PAPLN: variants seen among roughly 807,000 people sequenced by gnomAD.
PAPLN encodes the protein papilin, proteoglycan like sulfated glycoprotein, also known as papilin.
A neutral mutation model predicts 159.0 loss-of-function variants in PAPLN; 146 were observed. That is an observed-to-expected ratio of 0.92 (90% CI 0.80 to 1.05). The LOEUF is 1.05. PAPLN is among the 50% of genes least tolerant of loss of function. The pLI, the probability that PAPLN is intolerant of heterozygous loss-of-function variation, is 0.00. For missense variants in PAPLN, 1,720 were observed against 1,743.9 expected, an observed-to-expected ratio of 0.99 and a Z score of 0.24; for synonymous variants, 734 against 702.9, an observed-to-expected ratio of 1.04 and a Z score of -0.70.
At position 73,263,663 on chromosome 14, in the gene PAPLN, G is replaced by A; in HGVS notation, c.2742G>A (p.Val914=). 3 of 1,613,726 alleles carry A rather than the reference G, an allele frequency of 1.9e-6. No homozygotes were observed. The highest frequency in any genetic ancestry group is 1.3e-5 in the African/African-American group (1 of 75,048). The change falls in exon 20 of 27, where the codon GTG becomes GTA. Residue 914 remains valine (V), a synonymous_variant. Transcript: ENST00000644200. ...TCTCCAGGATTAGCTTGGCAGGTGT[G>A]GAGCCCTCGTTGGTGCAGGCAGCCC... ...SSSYRISLAG[V]EPSLVQAALG... is the part of the protein sequence containing the mutation.
intron 11 of PAPLN, chr14:73,253,024 G>A: frequency 1.8e-6 from 2 of 1,083,672 alleles, no homozygotes; most frequent in Non-Finnish European, 2.6e-6. Flanking sequence ...TTGGTGGCAG[G>A]AGGGTTGGAG....
intron 16 of PAPLN, 100 bp downstream of exon 16, chr14:73,259,645 G>C: frequency 1.5e-6 from 2 of 1,363,302 alleles, no homozygotes; most frequent in Non-Finnish European, 1.9e-6. Flanking sequence ...GCTGGGGTGG[G>C]TGTGCAGAGC....
At chr14:73,271,762 A>G (rs1240639872) in intron 26 of PAPLN, among the ~76,000 whole-genome samples, 2 of 152,220 alleles carry the variant, frequency 1.3e-5, no homozygotes, top group East Asian at 3.8e-4. Context: ...GGCCTCCCAA[A>G]GTGCTGGGAT....
At chr14:73,239,612 C>G in intron 1 of PAPLN, 161 bp from the exon 2 acceptor site, 3 of 1,342,580 alleles carry the variant, frequency 2.2e-6, no homozygotes, top group African/African-American at 1.5e-5. Context: ...GGCGCCCTCA[C>G]GCTGTGTTCT....
chr14:73,253,200 T>C (rs769115260), intron 11 of PAPLN: 35 of 1,360,024 alleles, frequency 2.6e-5, no homozygotes, highest in Non-Finnish European at 3.2e-5. Context: ...GGCGCCTTGC[T>C]GGGGCCCAGC....
chr14:73,253,817 C>T lies in PAPLN; in HGVS notation c.1158C>T (p.Ser386=), dbSNP rs142397982. ...GTGGAGGAGGCTCCCAGTCCCGCTCCGTGTACTGCATCTCGTCTGACGGGG... is the reference window on the plus strand; with the variant it reads ...GTGGAGGAGGCTCCCAGTCCCGCTCTGTGTACTGCATCTCGTCTGACGGGG... ...ASCGGGSQSR[S]VYCISSDGAG... is the part of the protein sequence containing the mutation. The change falls in exon 12 of 27, where the codon TCC becomes TCT. Residue 386 remains serine, a synonymous_variant. Coordinates refer to ENST00000644200, the MANE Select transcript of PAPLN (RefSeq NM_001365906.3). 2.2e-5 allele frequency: 35 copies of T among 1,613,602 alleles called. No homozygotes were observed. The highest frequency in any genetic ancestry group is 4.5e-5 in the East Asian group (2 of 44,872).
intron 5 of PAPLN, among the ~76,000 whole-genome samples, chr14:73,247,723 A>G (rs1884613750): frequency 8.1e-6 from 1 of 123,752 alleles, no homozygotes; most frequent in Non-Finnish European, 1.6e-5. Flanking sequence ...TGGGAGTCTC[A>G]TGTCCTCTGT....
intron 26 of PAPLN, 152 bp from the exon 27 acceptor site, chr14:73,272,343 G>C (rs1281863431): frequency 9.2e-6 from 6 of 649,454 alleles, no homozygotes; most frequent in African/African-American, 1.8e-5. Flanking sequence ...GAGTTTGTAC[G>C]TATGGTTAAA....
At chr14:73,243,918 C>T (rs941645170) in intron 2 of PAPLN, 1 of 152,268 alleles carries the variant, frequency 6.6e-6, no homozygotes, top group African/African-American at 2.4e-5. Context: ...AGTTACCTCA[C>T]AGTCTAAAAG....
chr14:73,263,865 ACCTCCTCTGATAGGTGTGACAGACCCCCT>A, intron 20 of PAPLN, 83 bp downstream of exon 20: 1 of 1,197,064 alleles, frequency 8.4e-7, no homozygotes, highest in Non-Finnish European at 1.1e-6. Context: ...CAGCTCCCCC[ACCTCCTCTGATAGGTGTGACAGACCCCCT>A]CCTCCTTTGA....
chr14:73,266,954 G>A (rs1887276112), intron 25 of PAPLN, 123 bp downstream of exon 25: 2 of 938,478 alleles, frequency 2.1e-6, no homozygotes, highest in South Asian at 1.6e-5. Flanking sequence ...CAGGCCTGGT[G>A]CCAGGGGAGA....
At position 73,268,548 on chromosome 14, in the gene PAPLN, C is replaced by T; in HGVS notation, c.3501-9C>T. On this transcript the variant is annotated splice_polypyrimidine_tract_variant and intron_variant, in intron 25 of 26. Coordinates refer to ENST00000644200, the MANE Select transcript of PAPLN (RefSeq NM_001365906.3). ...CTTGATGGCTCTCCCAGTGTCCTCTCTCCTCCAGGAACGGGCTACCTGTGC... is the reference window on the plus strand; with the variant it reads ...CTTGATGGCTCTCCCAGTGTCCTCTTTCCTCCAGGAACGGGCTACCTGTGC... 1 of 1,608,586 alleles carries T rather than the reference C, an allele frequency of 6.2e-7. No individual in the cohort carries two copies.
chr14:73,246,146 G>A lies in PAPLN; in HGVS notation c.305G>A (p.Arg102Gln), dbSNP rs199982588. ...TTCGACGGAGCGGAGTTCCAGGGGC[G>A]GCGGTATCGGTGGCTGCCCTACTAC... Reference protein sequence around the residue: ...AEFDGAEFQGRRYRWLPYYSA... With the variant: ...AEFDGAEFQGQRYRWLPYYSA... Residue 102 changes from arginine (R) to glutamine (Q), a missense_variant, in exon 5 of 27, where the codon CGG becomes CAG. By Grantham distance (43) the Arg-to-Gln change is conservative. Transcript: ENST00000644200. The A allele has an allele frequency of 2.4e-5, 38 of 1,591,484 alleles. No individual in the cohort carries two copies. In the East Asian group the frequency reaches 5.9e-4, roughly 25 times the overall value.
At position 73,246,163 on chromosome 14, in the gene PAPLN, C is replaced by T. The variant is rs753718752; in HGVS notation, c.322C>T (p.Pro108Ser). 1.3e-6 allele frequency: 2 copies of T among 1,587,712 alleles called. No homozygotes were observed. The highest frequency in any genetic ancestry group is 1.7e-6 in the Non-Finnish European group (2 of 1,170,118). The change falls in exon 5 of 27, where the codon CCC becomes TCC. Residue 108 changes from proline to serine, a missense_variant. By Grantham distance (74) the Pro-to-Ser change is moderately conservative. Coordinates refer to ENST00000644200, the MANE Select transcript of PAPLN (RefSeq NM_001365906.3). ...EFQGRRYRWL[P>S]YYSAPNKCEL... ...CCAGGGGCGGCGGTATCGGTGGCTG[C>T]CCTACTACAGCGGTGAGCGCGGCCG... is the stretch of plus-strand genomic sequence containing the variant.
chr14:73,268,072 G>T (rs561299031), intron 25 of PAPLN, among the ~76,000 whole-genome samples: 10 of 151,900 alleles, frequency 6.6e-5, no homozygotes, highest in Non-Finnish European at 1.5e-4. Flanking sequence ...GACCTGTAGT[G>T]TCGTTCTGCT....
chr14:73,268,414 C>A, intron 25 of PAPLN, 143 bp from the exon 26 acceptor site: 1 of 841,358 alleles, frequency 1.2e-6, no homozygotes, highest in Non-Finnish European at 1.8e-6. Flanking sequence ...CTTGGTCATT[C>A]TTGATTTCTC....
intron 5 of PAPLN, among the ~76,000 whole-genome samples, chr14:73,246,642 CTT>C (rs60063397): frequency 1.2e-4 from 14 of 116,764 alleles, no homozygotes; most frequent in Admixed American, 1.9e-4. Flanking sequence ...TTCTTTCTTT[CTT>C]TTTTTTTTTT....
intron 14 of PAPLN, among the ~76,000 whole-genome samples, chr14:73,256,546 A>AAAG (rs1555362916): frequency 1.3e-5 from 2 of 151,480 alleles, no homozygotes; most frequent in Admixed American, 6.6e-5. Context: ...AAAAAAAAAA[A>AAAG]AAAAAGAAAT....
chr14:73,264,114 C>T (rs1350907340), intron 20 of PAPLN, 97 bp from the exon 21 acceptor site: 4 of 1,593,636 alleles, frequency 2.5e-6, no homozygotes, highest in Non-Finnish European at 3.4e-6. Flanking sequence ...GCTCTGTAGA[C>T]TCTGGTCCCC....
Sources: allele counts gnomAD v4.1 joint callset (sites outside exome capture counted in the v4.1 genomes callset), GRCh38; gene constraint gnomAD v4.1.1; transcripts MANE v1.5; gene names NCBI Gene and HGNC (gene_info 2026-07-23, HGNC 2026-07-21).